Variants in LUZP2 observed in about 807,000 individuals in gnomAD.
LUZP2 encodes leucine zipper protein 2.
In LUZP2, 52 loss-of-function variants were observed where a neutral mutation model predicts 51.6. The ratio of observed to expected loss-of-function variants is 1.01; its 90% CI spans 0.81 to 1.27. The LOEUF is 1.27. Ranked by LOEUF, LUZP2 falls within the 50% of genes most tolerant of loss-of-function variation. The pLI is 0.00. For missense variants in LUZP2, 436 were observed against 395.4 expected, an observed-to-expected ratio of 1.10 and a Z score of -0.87; for synonymous variants, 154 against 137.3, an observed-to-expected ratio of 1.12 and a Z score of -0.85.
chr11:24,984,007 G>T (rs1251807992), intron 9 of LUZP2, among the ~76,000 whole-genome samples: 1 of 151,618 alleles, frequency 6.6e-6, no homozygotes, highest in Non-Finnish European at 1.5e-5. Flanking sequence ...ACTTCAATTT[G>T]TAGGCCCTAC....
At chr11:24,645,275 AAG>A (rs1315054535) in intron 1 of LUZP2, among the ~76,000 whole-genome samples, 1 of 152,184 alleles carries the variant, frequency 6.6e-6, no homozygotes, top group Non-Finnish European at 1.5e-5. Flanking sequence ...CAAAGAGAAA[AAG>A]AGAAAGAGGG....
chr11:24,712,010 C>T (rs1857845393), intron 1 of LUZP2, among the ~76,000 whole-genome samples: 1 of 152,124 alleles, frequency 6.6e-6, no homozygotes, highest in South Asian at 2.1e-4. Flanking sequence ...ATTATTTAAC[C>T]TTAGTATACC....
At chr11:24,636,634 T>G (rs1412096029) in intron 1 of LUZP2, among the ~76,000 whole-genome samples, 1 of 152,190 alleles carries the variant, frequency 6.6e-6, no homozygotes, top group African/African-American at 2.4e-5. Flanking sequence ...ATTTTCTACA[T>G]TGGCACAACT....
At chr11:24,912,866 G>A (rs140188072) in intron 6 of LUZP2, among the ~76,000 whole-genome samples, 39 of 152,212 alleles carry the variant, frequency 2.6e-4, no homozygotes, top group African/African-American at 9.4e-4. Context: ...CTTGCAGTTG[G>A]TTCAGTGGAA....
chr11:24,781,974 G>A (rs1849109446), intron 5 of LUZP2, among the ~76,000 whole-genome samples: 1 of 152,010 alleles, frequency 6.6e-6, no homozygotes, highest in East Asian at 1.9e-4. Flanking sequence ...ATATGCCACG[G>A]TTTGGATAAG....
intron 1 of LUZP2, among the ~76,000 whole-genome samples, chr11:24,563,250 C>A (rs763058883): frequency 1.3e-5 from 2 of 152,104 alleles, no homozygotes; most frequent in Non-Finnish European, 2.9e-5. Flanking sequence ...ACCACCAAAA[C>A]ACAATTTATA....
chr11:24,578,344 C>T (rs964235622), intron 1 of LUZP2, among the ~76,000 whole-genome samples: 4 of 151,822 alleles, frequency 2.6e-5, no homozygotes, highest in Admixed American at 2.6e-4. Flanking sequence ...TCATAATTTG[C>T]CACTAGCAAC....
intron 7 of LUZP2, among the ~76,000 whole-genome samples, chr11:24,916,834 C>A (rs183080869): frequency 6.6e-6 from 1 of 152,234 alleles, no homozygotes; most frequent in African/African-American, 2.4e-5. Flanking sequence ...ATTTATGATC[C>A]TTTGGGTATA....
chr11:24,826,101 G>A (rs1361662770), intron 5 of LUZP2, among the ~76,000 whole-genome samples: 4 of 147,754 alleles, frequency 2.7e-5, no homozygotes, highest in Admixed American at 2.0e-4. Flanking sequence ...GCGTGAACCC[G>A]GGAGACGGAG....
intron 5 of LUZP2, among the ~76,000 whole-genome samples, chr11:24,809,505 T>A (rs981160662): frequency 1.3e-5 from 2 of 152,116 alleles, no homozygotes; most frequent in African/African-American, 4.8e-5. Flanking sequence ...AGTGCAAGTC[T>A]CACTTTGCCT....
At chr11:24,998,093 G>A (rs916399685) in intron 9 of LUZP2, among the ~76,000 whole-genome samples, 2 of 152,076 alleles carry the variant, frequency 1.3e-5, no homozygotes, top group African/African-American at 4.8e-5. Context: ...GGATTGACTT[G>A]GCGATGCGGG....
intron 10 of LUZP2, among the ~76,000 whole-genome samples, chr11:25,069,389 A>G (rs866476580): frequency 4.6e-5 from 7 of 151,980 alleles, no homozygotes; most frequent in Admixed American, 1.3e-4. Flanking sequence ...CACATGAAAT[A>G]TACATCAAAT....
At chr11:24,654,373 C>T (rs1351976054) in intron 1 of LUZP2, among the ~76,000 whole-genome samples, 1 of 152,082 alleles carries the variant, frequency 6.6e-6, no homozygotes, top group African/African-American at 2.4e-5. Flanking sequence ...GATGATTTAA[C>T]TTATTAAACA....
chr11:24,892,240 A>G, intron 5 of LUZP2: 1 of 985,488 alleles, frequency 1.0e-6, no homozygotes, highest in African/African-American at 1.7e-5. Flanking sequence ...TTCAGCCTAT[A>G]TTTATCCTGA....
intron 9 of LUZP2, among the ~76,000 whole-genome samples, chr11:25,026,613 C>A (rs1035107397): frequency 2.0e-5 from 3 of 151,864 alleles, no homozygotes; most frequent in African/African-American, 7.3e-5. Context: ...TGTGTGGCCT[C>A]TATTATTTAC....
At chr11:24,648,152 G>A (rs1040963716) in intron 1 of LUZP2, among the ~76,000 whole-genome samples, 32 of 151,778 alleles carry the variant, frequency 2.1e-4, no homozygotes, top group Non-Finnish European at 1.3e-4. Context: ...TCTTTATTTC[G>A]ATATTCCTAA....
At chr11:24,860,454 A>G (rs1425281693) in intron 5 of LUZP2, among the ~76,000 whole-genome samples, 1 of 152,128 alleles carries the variant, frequency 6.6e-6, no homozygotes, top group Admixed American at 6.5e-5. Context: ...AAAGTGCTTC[A>G]TTAAATGGGT....
At chr11:24,649,859 C>T (rs746137984) in intron 1 of LUZP2, among the ~76,000 whole-genome samples, 12 of 151,838 alleles carry the variant, frequency 7.9e-5, no homozygotes, top group Non-Finnish European at 1.8e-4. Flanking sequence ...GGGCCACTGT[C>T]TGTCCTTCTT....
rs150810710 is a variant in LUZP2, at chr11:25,005,096, T to C, written c.765+21803T>C. ...AAGTCAGAGAGGGAGAAGGGACATG[T>C]ACCCAGGTTGGACCAAATTCCCCAC... is the stretch of plus-strand genomic sequence containing the variant. On this transcript the variant is annotated intron_variant, in intron 9 of 11. Coordinates refer to ENST00000336930, the MANE Select transcript of LUZP2 (RefSeq NM_001009909.4). 2.0e-3 allele frequency among the ~76,000 whole-genome samples: 305 copies of C among 152,254 alleles called. 1 individual carries two copies. Among genetic ancestry groups the C allele is most frequent in the Non-Finnish European group, 3.2e-3 (220 of 68,030 alleles).
Sources: gnomAD v4.1 joint callset for allele counts (sites outside exome capture counted in the v4.1 genomes callset) on GRCh38, gnomAD v4.1.1 for gene constraint, MANE v1.5 for transcripts, NCBI Gene and HGNC (gene_info 2026-07-23, HGNC 2026-07-21) for gene names.